The following TUB variants were observed in gnomAD, a reference collection of about 807,000 sequenced individuals.
The protein encoded by TUB is tubby protein homolog.
Under a neutral mutation model 59.7 loss-of-function variants are expected in TUB, and 33 were observed. That is an observed-to-expected ratio of 0.55 (90% CI 0.42 to 0.74). The LOEUF (loss-of-function observed/expected upper bound fraction) is 0.74. Ranked by LOEUF, TUB falls within the 30% of genes least tolerant of loss-of-function variation. The pLI, the probability that TUB is intolerant of heterozygous loss-of-function variation, is 0.00. For synonymous variants in TUB, 293 were observed against 256.4 expected, an observed-to-expected ratio of 1.14 and a Z score of -1.36; for missense variants, 659 against 672.0, an observed-to-expected ratio of 0.98 and a Z score of 0.21.
In TUB at chr11:8,102,167, C is replaced by G. The variant is rs922468208; in HGVS notation, c.*548C>G. 6.5e-6 allele frequency: 1 copy of G among 152,700 alleles called. No homozygotes were observed. Among genetic ancestry groups the G allele is most frequent in the African/African-American group, 2.4e-5 (1 of 41,464 alleles). The allele number at this position is 152,700 out of a possible 1,614,324, so 9.5% of individuals were successfully genotyped here. ...AGCCCTTCAACTTCAGAAGGCCTCA[C>G]TCAAGCCTGAGAGAAGTTGGGAGGG... is the stretch of plus-strand genomic sequence containing the variant. On this transcript the variant is annotated 3_prime_UTR_variant, in exon 12 of 12. Coordinates refer to ENST00000299506, the MANE Select transcript of TUB (RefSeq NM_177972.3).
At chr11:8,062,163 C>G (rs564147936) in intron 2 of TUB, 1 of 152,628 alleles carries the variant, frequency 6.6e-6, no homozygotes, top group Admixed American at 6.5e-5. Flanking sequence ...CACCAGTGGC[C>G]GGGGTTTGGA....
At chr11:8,023,654 T>A (rs1268262935) in intron 1 of TUB, among the ~76,000 whole-genome samples, 3 of 152,242 alleles carry the variant, frequency 2.0e-5, no homozygotes, top group Non-Finnish European at 2.9e-5. Flanking sequence ...CTTTCACTGA[T>A]AACTGTATTC....
chr11:8,071,916 G>A (rs1436397942), intron 2 of TUB, among the ~76,000 whole-genome samples: 1 of 152,238 alleles, frequency 6.6e-6, no homozygotes, highest in African/African-American at 2.4e-5. Context: ...AGAAGTGTAA[G>A]GGCTGGGACA....
At chr11:8,068,741 G>C (rs1409689378) in intron 2 of TUB, 3 of 152,430 alleles carry the variant, frequency 2.0e-5, no homozygotes, top group African/African-American at 4.8e-5. Flanking sequence ...CTTCACCTCT[G>C]GCTGGGTTGA....
chr11:8,032,160 C>T (rs1564896816), intron 1 of TUB, among the ~76,000 whole-genome samples: 1 of 152,098 alleles, frequency 6.6e-6, no homozygotes, highest in Non-Finnish European at 1.5e-5. Flanking sequence ...GCCGGGAGCG[C>T]AGGAGTGAGA....
chr11:8,087,174 T>C (rs1406097), intron 1 of TUB, among the ~76,000 whole-genome samples: 8,715 of 152,260 alleles, frequency 0.057, 442 homozygotes, highest in African/African-American at 0.13. Flanking sequence ...GGAAATACCT[T>C]TAGTCAGTTG....
rs1038830937 is a variant in TUB at position 8,106,128 on chromosome 11, G to A, written c.*4509G>A. ...CTGGAGCAAATGTATTTATTTATTG[G>A]TATGTGCAATGACAAACTTGGTATT... On this transcript the variant is annotated 3_prime_UTR_variant, in exon 12 of 12. Coordinates refer to ENST00000299506, the MANE Select transcript of TUB (RefSeq NM_177972.3). The A allele has an allele frequency of 3.3e-5, 5 of 151,676 alleles. No homozygotes were observed. Among genetic ancestry groups the A allele is most frequent in the African/African-American group, 1.2e-4 (5 of 41,390 alleles). 9.4% of individuals were successfully genotyped at this position (151,676 alleles called of 1,614,324 possible).
At chr11:8,022,245 C>CA (rs1277099283) in intron 1 of TUB, among the ~76,000 whole-genome samples, 3 of 152,122 alleles carry the variant, frequency 2.0e-5, no homozygotes, top group Non-Finnish European at 4.4e-5. Flanking sequence ...TTGAATTATT[C>CA]AAAAATTACA....
chr11:8,070,430 AT>A (rs1159650509), intron 2 of TUB, among the ~76,000 whole-genome samples: 2 of 140,652 alleles, frequency 1.4e-5, no homozygotes, highest in African/African-American at 2.5e-5. Flanking sequence ...GCAAATGATA[AT>A]TTTTTTATAG....
At chr11:8,021,691 A>G (rs939632541) in intron 1 of TUB, among the ~76,000 whole-genome samples, 2 of 152,002 alleles carry the variant, frequency 1.3e-5, no homozygotes, top group East Asian at 1.9e-4. Flanking sequence ...TGAGGCAAGC[A>G]GATCACGAGG....
intron 2 of TUB, among the ~76,000 whole-genome samples, chr11:8,065,798 G>T (rs1429400640): frequency 6.6e-6 from 1 of 152,152 alleles, no homozygotes; most frequent in South Asian, 2.1e-4. Context: ...TTAAAGTCTG[G>T]CAAGTTTCTG....
In TUB at chr11:8,103,554, C is replaced by A. The variant is rs1944395737; in HGVS notation, c.*1935C>A. The A allele has an allele frequency of 6.6e-6, 1 of 152,658 alleles. No homozygotes were observed. Among genetic ancestry groups the A allele is most frequent in the South Asian group, 2.1e-4 (1 of 4,824 alleles). The allele number at this position is 152,658 out of a possible 1,614,324, so 9.5% of individuals were successfully genotyped here. On this transcript the variant is annotated 3_prime_UTR_variant, in exon 12 of 12. Transcript: ENST00000299506. ...CCTGTCCTAGCAGGATCTGCCCACACCTCGGCCGTACATCTCTGTGAGAGA... is the reference window on the plus strand; with the variant it reads ...CCTGTCCTAGCAGGATCTGCCCACAACTCGGCCGTACATCTCTGTGAGAGA...
chr11:8,098,737 C>G lies in TUB; in HGVS notation c.999-21C>G, dbSNP rs778081937. ...GGGGCAGAGGGTGCATGACTCTATA[C>G]TGATTGTGCCTTTATTTCAGGTCCA... is the stretch of plus-strand genomic sequence containing the variant. On this transcript the variant is annotated intron_variant, in intron 8 of 11. Transcript: ENST00000299506. 51 of 1,573,524 alleles carry G rather than the reference C, an allele frequency of 3.2e-5. No individual in the cohort carries two copies. The Admixed American group carries it at 8.0e-4, about 25-fold the overall frequency.
At chr11:8,050,928 G>C (rs540280372) in intron 2 of TUB, among the ~76,000 whole-genome samples, 3 of 152,264 alleles carry the variant, frequency 2.0e-5, no homozygotes, top group African/African-American at 4.8e-5. Flanking sequence ...TCCAAAGAAA[G>C]ACTAGTAGGA....
intron 2 of TUB, among the ~76,000 whole-genome samples, chr11:8,065,982 C>T (rs1465564370): frequency 5.9e-5 from 9 of 152,210 alleles, no homozygotes; most frequent in African/African-American, 2.2e-4. Context: ...TGAAGCGTTT[C>T]TCTCTGTGAG....
rs2141320 is a variant in TUB, at chr11:8,025,774, T to C, written c.56+6416T>C. Reference sequence around the variant, plus strand: ...CAAATAAAGCTTTTGTGAATATTCATGTACAGGTCTTTGTATGGACGTATA... The same window carrying C: ...CAAATAAAGCTTTTGTGAATATTCACGTACAGGTCTTTGTATGGACGTATA... On this transcript the variant is annotated intron_variant, in intron 1 of 11. Coordinates refer to the TUB transcript ENST00000534099. Among the ~76,000 whole-genome samples, 326 of 152,352 alleles carry C rather than the reference T, an allele frequency of 2.1e-3. 9 individuals carry two copies. In the East Asian group the frequency reaches 0.053, roughly 25 times the overall value.
rs1943683064 is a variant in TUB at position 8,087,071 on chromosome 11, A to G, written c.39-2539A>G. On this transcript the variant is annotated intron_variant, in intron 1 of 11. Coordinates refer to ENST00000299506, the MANE Select transcript of TUB (RefSeq NM_177972.3). ...CCTCTGGCATAACTGTGCATAGTCC[A>G]TGGCAAGTGGGATGGTGGCCTCTGG... 2.6e-5 allele frequency among the ~76,000 whole-genome samples: 4 copies of G among 152,216 alleles called. 1 individual carries two copies. In the South Asian group the frequency reaches 8.3e-4, roughly 31 times the overall value.
chr11:8,095,571 CCAGT>C lies in TUB; in HGVS notation c.475_478del (p.Ser159ThrfsTer35). On this transcript the variant is annotated frameshift_variant, in exon 5 of 12. Transcript: ENST00000299506. LOFTEE classifies it high-confidence loss of function. ...GCCCAGTGCAGATTCTGACTGTGGG[CCAGT>C]CAGACCACGCCCAGGACGCAGGGGA... The C allele has an allele frequency of 1.9e-6, 3 of 1,613,182 alleles. No homozygotes were observed. The highest frequency in any genetic ancestry group is 2.5e-6 in the Non-Finnish European group (3 of 1,179,952).
In TUB at chr11:8,094,868, G is replaced by A. The variant is rs531310195; in HGVS notation, c.398-630G>A. Among the ~76,000 whole-genome samples, 94 of 152,308 alleles carry A rather than the reference G, an allele frequency of 6.2e-4. No individual in the cohort carries two copies. The South Asian group carries it at 6.6e-3, about 11-fold the overall frequency. On this transcript the variant is annotated intron_variant, in intron 4 of 11. Transcript: ENST00000299506. The stretch of plus-strand genomic sequence containing the variant: ...AGGCCATGGGCTTCTGGAGCTGGCC[G>A]AGCACTCTGGGCATAGCTCAGTAGG...
Sources: gnomAD v4.1 joint callset for allele counts (sites outside exome capture counted in the v4.1 genomes callset) on GRCh38, gnomAD v4.1.1 for gene constraint, MANE v1.5 for transcripts, NCBI Gene and HGNC (gene_info 2026-07-23, HGNC 2026-07-21) for gene names.